Variants in REDIC1 observed in about 807,000 individuals in gnomAD.
REDIC1 encodes HEI10 Interacting Protein 1.
At chr12:39,649,280 T>G in the REDIC1 span, among the ~76,000 whole-genome samples, 3 of 151,822 alleles carry the variant, frequency 2.0e-5, no homozygotes, top group African/African-American at 7.2e-5. Flanking sequence ...TTGGAGGAAT[T>G]TCAAAAAAAG....
chr12:39,720,119 T>A, the REDIC1 span, among the ~76,000 whole-genome samples: 3 of 151,998 alleles, frequency 2.0e-5, no homozygotes, highest in Non-Finnish European at 4.4e-5. Flanking sequence ...AAAATTGAAA[T>A]CTAGACCTAT....
the REDIC1 span, among the ~76,000 whole-genome samples, chr12:39,768,912 C>T: frequency 2.0e-5 from 3 of 152,032 alleles, no homozygotes; most frequent in Non-Finnish European, 4.4e-5. Flanking sequence ...CTGTGAAGTG[C>T]AATGATGGCA....
the REDIC1 span, among the ~76,000 whole-genome samples, chr12:39,738,469 C>T: frequency 6.6e-6 from 1 of 152,078 alleles, no homozygotes. Flanking sequence ...TCATCCACAC[C>T]CGGTTGCCTA....
chr12:39,781,270 T>A, the REDIC1 span, among the ~76,000 whole-genome samples: 1 of 152,168 alleles, frequency 6.6e-6, no homozygotes, highest in Non-Finnish European at 1.5e-5. Flanking sequence ...ATTCACTCTA[T>A]CCTCCCTTCT....
the REDIC1 span, among the ~76,000 whole-genome samples, chr12:39,773,797 C>T: frequency 2.8e-4 from 43 of 152,294 alleles, no homozygotes; most frequent in African/African-American, 9.9e-4. Context: ...GTCCTAATCA[C>T]TGATAAATGT....
At chr12:39,703,933 G>A in the REDIC1 span, among the ~76,000 whole-genome samples, 164 of 152,240 alleles carry the variant, frequency 1.1e-3, no homozygotes, top group African/African-American at 3.8e-3. Flanking sequence ...ATTCAAGATG[G>A]ATTAAAGACT....
the REDIC1 span, among the ~76,000 whole-genome samples, chr12:39,726,537 C>T: frequency 6.6e-6 from 1 of 152,100 alleles, no homozygotes; most frequent in African/African-American, 2.4e-5. Flanking sequence ...TGTATATGTG[C>T]CACATTTTCT....
the REDIC1 span, among the ~76,000 whole-genome samples, chr12:39,736,302 G>C: frequency 3.2e-4 from 48 of 152,298 alleles, no homozygotes; most frequent in African/African-American, 1.1e-3. Flanking sequence ...GGGAAAGTCT[G>C]TAGTAATTAT....
At chr12:39,774,199 G>T in the REDIC1 span, among the ~76,000 whole-genome samples, 1 of 152,126 alleles carries the variant, frequency 6.6e-6, no homozygotes, top group African/African-American at 2.4e-5. Flanking sequence ...TCCAGGATAG[G>T]ACACCTTCAC....
chr12:39,735,437 C>T, the REDIC1 span, among the ~76,000 whole-genome samples: 2 of 152,094 alleles, frequency 1.3e-5, no homozygotes, highest in Non-Finnish European at 2.9e-5. Context: ...ATGTAGATTT[C>T]CAAGGAGAAT....
chr12:39,713,760 C>T, the REDIC1 span, among the ~76,000 whole-genome samples: 7 of 146,846 alleles, frequency 4.8e-5, no homozygotes, highest in South Asian at 8.5e-4. Flanking sequence ...CATGTATACA[C>T]GTATATATAT....
the REDIC1 span, among the ~76,000 whole-genome samples, chr12:39,654,656 T>A: frequency 6.6e-6 from 1 of 152,184 alleles, no homozygotes; most frequent in Admixed American, 6.5e-5. Flanking sequence ...GCTAATATTT[T>A]ATTGATGGTT....
At chr12:39,809,313 CTTTATAGTAAG>C in the REDIC1 span, among the ~76,000 whole-genome samples, 1 of 152,078 alleles carries the variant, frequency 6.6e-6, no homozygotes, top group Non-Finnish European at 1.5e-5. Flanking sequence ...ATTACTGTAA[CTTTATAGTAAG>C]TCTTGAAATC....
the REDIC1 span, chr12:39,830,091 T>C: frequency 6.2e-7 from 1 of 1,613,256 alleles, no homozygotes; most frequent in African/African-American, 1.3e-5. Flanking sequence ...TATGGTAAAA[T>C]GAGTGATATA....
the REDIC1 span, among the ~76,000 whole-genome samples, chr12:39,686,868 G>T: frequency 6.6e-6 from 1 of 152,138 alleles, no homozygotes; most frequent in South Asian, 2.1e-4. Flanking sequence ...TATCTTCAAT[G>T]CTTTGCTGCT....
chr12:39,720,751 G>A, the REDIC1 span: 84 of 1,458,404 alleles, frequency 5.8e-5, no homozygotes, highest in East Asian at 1.0e-3. Flanking sequence ...TAAAATGTAA[G>A]CATGGTTTAG....
the REDIC1 span, among the ~76,000 whole-genome samples, chr12:39,712,423 C>A: frequency 1.3e-4 from 15 of 113,046 alleles, no homozygotes; most frequent in South Asian, 3.5e-3. Flanking sequence ...TATATACATA[C>A]GTATATATAC....
chr12:39,661,933 C>A, the REDIC1 span, among the ~76,000 whole-genome samples: 5 of 151,956 alleles, frequency 3.3e-5, no homozygotes, highest in South Asian at 6.2e-4. Context: ...ATTTGTGACA[C>A]CTTTGTCAAC....
the REDIC1 span, among the ~76,000 whole-genome samples, chr12:39,902,555 C>T: frequency 6.6e-6 from 1 of 151,794 alleles, no homozygotes; most frequent in Non-Finnish European, 1.5e-5. Context: ...ACCAGGTGTA[C>T]TAAAAATAAA....
Sources: allele counts gnomAD v4.1 joint callset (sites outside exome capture counted in the v4.1 genomes callset), GRCh38; gene constraint gnomAD v4.1.1; transcripts MANE v1.5; gene names NCBI Gene and HGNC (gene_info 2026-07-23, HGNC 2026-07-21).